PABIR3: variants seen among roughly 807,000 people sequenced by gnomAD.
PABIR3 encodes the protein PABIR family member 3.
Under a neutral mutation model 23.1 loss-of-function variants are expected in PABIR3, and 20 were observed. The ratio of observed to expected loss-of-function variants is 0.86; its 90% CI spans 0.61 to 1.26. The LOEUF (loss-of-function observed/expected upper bound fraction) is 1.26, where lower values mean the gene tolerates loss of function less well. Among genes scored for constraint, PABIR3 ranks in the 50% most tolerant of loss-of-function variants. PABIR3 has a pLI of 0.00. For synonymous variants in PABIR3, 69 were observed against 68.5 expected (o/e 1.01, Z -0.04); for missense variants, 189 against 195.4 (o/e 0.97, Z 0.20).
downstream of PABIR3, among the ~76,000 whole-genome samples, chrX:134,856,447 A>G (rs2082750975): frequency 9.1e-6 from 1 of 109,734 alleles, no homozygotes; most frequent in Non-Finnish European, 1.9e-5. Context: ...CGGCCTCCCA[A>G]AGTGCTGGGA....
intron 3 of PABIR3, among the ~76,000 whole-genome samples, chrX:134,816,073 C>A (rs772499781): frequency 1.6e-3 from 175 of 112,291 alleles, no homozygotes; most frequent in African/African-American, 5.1e-3. Flanking sequence ...CCACCTTGTT[C>A]AATTAATATG....
chrX:134,847,843 A>C, intron 7 of PABIR3, 40 bp from the exon 8 acceptor site: 2 of 1,082,523 alleles, frequency 1.8e-6, no homozygotes, highest in Non-Finnish European at 2.5e-6. Flanking sequence ...TTTCCGAGAA[A>C]AGTGGCGGTT....
chrX:134,820,479 G>A (rs1375812947), intron 3 of PABIR3, among the ~76,000 whole-genome samples: 1 of 111,356 alleles, frequency 9.0e-6, no homozygotes, highest in African/African-American at 3.3e-5. Context: ...TAGAATGGTG[G>A]TTGCTAGGGG....
intron 2 of PABIR3, chrX:134,808,285 C>T (rs2080369233): frequency 3.5e-6 from 1 of 289,117 alleles, no homozygotes; most frequent in Non-Finnish European, 6.0e-6. Context: ...CGCCTCCTGG[C>T]TTCAAGCAAT....
upstream of PABIR3, chrX:134,804,296 C>A (rs1212678113): frequency 7.0e-6 from 7 of 996,357 alleles, no homozygotes; most frequent in African/African-American, 9.5e-5. Flanking sequence ...AAAACAATTT[C>A]TTTAATGTTG....
intron 1 of PABIR3, among the ~76,000 whole-genome samples, chrX:134,799,134 A>G (rs972183278): frequency 2.7e-5 from 3 of 112,076 alleles, no homozygotes; most frequent in African/African-American, 9.7e-5. Flanking sequence ...GAGAATTTAG[A>G]CATATTTTTT....
chrX:134,819,875 ACT>A (rs1350646698), intron 3 of PABIR3, among the ~76,000 whole-genome samples: 1 of 111,427 alleles, frequency 9.0e-6, no homozygotes, highest in African/African-American at 3.3e-5. Context: ...ACAGAGTAAG[ACT>A]CTGTCTCAAA....
At chrX:134,806,710 C>T (rs183603738), upstream of PABIR3, among the ~76,000 whole-genome samples, 11 of 109,058 alleles carry the variant, frequency 1.0e-4, no homozygotes, top group Non-Finnish European at 2.1e-4. Context: ...CAAATGAGCT[C>T]AGTTAGGTTA....
intron 1 of PABIR3, among the ~76,000 whole-genome samples, chrX:134,801,291 A>G (rs2080059252): frequency 8.9e-6 from 1 of 112,457 alleles, no homozygotes; most frequent in Admixed American, 9.4e-5. Flanking sequence ...TTTACCACAT[A>G]AGCAAAAGGT....
Position 134,821,307 on chromosome X carries a change from A to G in PABIR3, c.189+6458A>G, listed in dbSNP as rs995470850. On this transcript the variant is annotated intron_variant, in intron 3 of 10. Coordinates refer to ENST00000645433, the MANE Select transcript of PABIR3 (RefSeq NM_001388447.1). Reference sequence around the variant, plus strand: ...TTATTTTGTTTAATTAAGTGCAAATATTTTCTTCACTTCTCTCAGGAAATT... The same window carrying G: ...TTATTTTGTTTAATTAAGTGCAAATGTTTTCTTCACTTCTCTCAGGAAATT... 5 of 1,128,137 alleles carry G rather than the reference A, an allele frequency of 4.4e-6. No individual in the cohort carries two copies. The African/African-American group carries it at 9.4e-5, about 21-fold the overall frequency. 93.0% of individuals were successfully genotyped at this position (1,128,137 alleles called of 1,213,427 possible).
At chrX:134,820,341 T>C (rs2081201827) in intron 3 of PABIR3, among the ~76,000 whole-genome samples, 2 of 112,083 alleles carry the variant, frequency 1.8e-5, no homozygotes, top group Admixed American at 9.5e-5. Context: ...AACATTATTC[T>C]TGAAAAAATA....
chrX:134,809,549 A>C (rs1234620162), intron 2 of PABIR3: 2 of 751,430 alleles, frequency 2.7e-6, no homozygotes, highest in East Asian at 3.0e-4. Context: ...GATACCGTAA[A>C]AATGTCTGAA....
intron 4 of PABIR3, among the ~76,000 whole-genome samples, chrX:134,842,040 C>A (rs1449501624): frequency 9.0e-6 from 1 of 110,505 alleles, no homozygotes; most frequent in Non-Finnish European, 1.9e-5. Flanking sequence ...GGTAAAGTGG[C>A]ATCTCATTGT....
intron 3 of PABIR3, chrX:134,821,556 G>A: frequency 1.7e-6 from 2 of 1,149,799 alleles, no homozygotes; most frequent in East Asian, 3.3e-5. Flanking sequence ...CAGGGGAAAT[G>A]TCTCATCTTC....
downstream of PABIR3, among the ~76,000 whole-genome samples, chrX:134,858,526 T>C (rs907854784): frequency 1.9e-4 from 21 of 111,798 alleles, no homozygotes; most frequent in African/African-American, 6.5e-4. Context: ...AAGATGAAAA[T>C]GCATGTATGA....
chrX:134,816,908 C>T (rs2081011865), intron 3 of PABIR3, among the ~76,000 whole-genome samples: 1 of 111,776 alleles, frequency 8.9e-6, no homozygotes, highest in South Asian at 3.8e-4. Flanking sequence ...GGCGTGGTGG[C>T]TTACACCTGT....
intron 4 of PABIR3, 71 bp downstream of exon 4, chrX:134,829,353 C>G: frequency 1.1e-6 from 1 of 887,780 alleles, no homozygotes; most frequent in Non-Finnish European, 1.6e-6. Flanking sequence ...GTGAAAATAC[C>G]TATGTTTCAG....
intron 9 of PABIR3, among the ~76,000 whole-genome samples, chrX:134,850,590 A>G (rs1055010106): frequency 2.7e-5 from 3 of 112,305 alleles, no homozygotes; most frequent in Non-Finnish European, 5.6e-5. Flanking sequence ...TATTTAAAAT[A>G]AAGTACGCTT....
chrX:134,852,963 G>C, intron 10 of PABIR3, 67 bp downstream of exon 10: 1 of 683,013 alleles, frequency 1.5e-6, no homozygotes, highest in Non-Finnish European at 2.0e-6. Context: ...GTCTACTTTG[G>C]CTATTGTACG....
Sources: gnomAD v4.1 joint callset for allele counts (sites outside exome capture counted in the v4.1 genomes callset) on GRCh38, gnomAD v4.1.1 for gene constraint, MANE v1.5 for transcripts, NCBI Gene and HGNC (gene_info 2026-07-23, HGNC 2026-07-21) for gene names.